The following CDC73 variants were observed in gnomAD, a reference collection of about 807,000 sequenced individuals.
CDC73 encodes parafibromin.
Under a neutral mutation model 83.7 loss-of-function variants are expected in CDC73, and 21 were observed. The ratio of observed to expected loss-of-function variants is 0.25; its 90% CI spans 0.18 to 0.36. CDC73 has a LOEUF of 0.36. Ranked by LOEUF, CDC73 falls within the 10% of genes least tolerant of loss-of-function variation. The pLI is 1.00. For synonymous variants in CDC73, 224 were observed against 212.9 expected (o/e 1.05, Z -0.45); for missense variants, 342 against 653.3 (o/e 0.52, Z 5.19).
chr1:193,175,522 A>T (rs1415244656), intron 10 of CDC73, among the ~76,000 whole-genome samples: 1 of 152,240 alleles, frequency 6.6e-6, no homozygotes, highest in Non-Finnish European at 1.5e-5. Flanking sequence ...AGATTTAACC[A>T]ACTGCCGATC....
chr1:193,188,937 C>G lies in CDC73; in HGVS notation c.973-14858C>G, dbSNP rs1676872270. Among the ~76,000 whole-genome samples, 3 of 151,040 alleles carry G rather than the reference C, an allele frequency of 2.0e-5. No individual in the cohort carries two copies. In the South Asian group the frequency reaches 6.2e-4, roughly 31 times the overall value. On this transcript the variant is annotated intron_variant, in intron 10 of 16. Transcript: ENST00000367435. ...TACTTTAAAAGTACAGCTGCAACCTCTTTCTTTCTGTCTGTCTGTTTTTTT... is the reference window on the plus strand; with the variant it reads ...TACTTTAAAAGTACAGCTGCAACCTGTTTCTTTCTGTCTGTCTGTTTTTTT...
At chr1:193,240,755 A>G (rs980462519) in intron 15 of CDC73, among the ~76,000 whole-genome samples, 3 of 152,124 alleles carry the variant, frequency 2.0e-5, no homozygotes, top group African/African-American at 4.8e-5. Flanking sequence ...TTGGAAGAAT[A>G]GTTTGCAGAT....
intron 3 of CDC73, among the ~76,000 whole-genome samples, chr1:193,130,589 C>G (rs897029549): frequency 2.7e-4 from 41 of 152,288 alleles, no homozygotes; most frequent in African/African-American, 9.6e-4. Context: ...TGTTTTTGAT[C>G]CCACATTCCT....
intron 10 of CDC73, among the ~76,000 whole-genome samples, chr1:193,197,927 C>CA (rs61392426): frequency 0.011 from 779 of 72,992 alleles, 14 homozygotes; most frequent in South Asian, 0.034. Flanking sequence ...ACCATCTCAC[C>CA]AAAAAAAAAA....
chr1:193,225,415 A>G (rs1167647057), intron 13 of CDC73, among the ~76,000 whole-genome samples: 1 of 152,068 alleles, frequency 6.6e-6, no homozygotes, highest in Non-Finnish European at 1.5e-5. Context: ...TCTTCTGGGT[A>G]GATACTCAGT....
At chr1:193,132,007 T>A (rs1675704283) in intron 3 of CDC73, among the ~76,000 whole-genome samples, 1 of 152,234 alleles carries the variant, frequency 6.6e-6, no homozygotes, top group Non-Finnish European at 1.5e-5. Flanking sequence ...GTTTGTCTTG[T>A]TAAATACCCA....
At chr1:193,176,244 A>G (rs1387265226) in intron 10 of CDC73, among the ~76,000 whole-genome samples, 1 of 152,198 alleles carries the variant, frequency 6.6e-6, no homozygotes, top group Non-Finnish European at 1.5e-5. Flanking sequence ...CCCTAGGAAC[A>G]TAGGCCCCTA....
intron 3 of CDC73, among the ~76,000 whole-genome samples, chr1:193,132,487 T>C (rs1202101566): frequency 6.6e-6 from 1 of 152,138 alleles, no homozygotes; most frequent in East Asian, 1.9e-4. Context: ...AAACTTTTTT[T>C]TTTCTTTCAG....
intron 10 of CDC73, among the ~76,000 whole-genome samples, chr1:193,166,749 C>T (rs1455781269): frequency 6.6e-6 from 1 of 151,330 alleles, no homozygotes; most frequent in Non-Finnish European, 1.5e-5. Flanking sequence ...CAGGTTCAAG[C>T]GATTGTCCTG....
intron 5 of CDC73, 34 bp downstream of exon 5, chr1:193,135,623 T>A: frequency 6.8e-7 from 1 of 1,480,818 alleles, no homozygotes; most frequent in Non-Finnish European, 9.3e-7. Context: ...ATTTTATTTA[T>A]ATTGTTATTG....
At chr1:193,146,572 C>T (rs1384831286) in intron 7 of CDC73, among the ~76,000 whole-genome samples, 1 of 151,994 alleles carries the variant, frequency 6.6e-6, no homozygotes, top group Non-Finnish European at 1.5e-5. Context: ...GAATCCGAGC[C>T]CACTTTTGCA....
At chr1:193,232,311 T>G (rs375374813) in intron 13 of CDC73, among the ~76,000 whole-genome samples, 53 of 152,334 alleles carry the variant, frequency 3.5e-4, no homozygotes, top group South Asian at 2.3e-3. Context: ...CAACAACTTT[T>G]TCATTTCAAA....
intron 7 of CDC73, among the ~76,000 whole-genome samples, chr1:193,145,612 A>T (rs1357858440): frequency 3.3e-5 from 5 of 152,100 alleles, no homozygotes; most frequent in South Asian, 4.1e-4. Flanking sequence ...AAGAATTTAA[A>T]TTTTTTTCAA....
intron 2 of CDC73, among the ~76,000 whole-genome samples, chr1:193,129,804 C>T (rs916137973): frequency 1.3e-5 from 2 of 152,102 alleles, no homozygotes; most frequent in Non-Finnish European, 2.9e-5. Flanking sequence ...TGAGCCACCG[C>T]GCCCAGCCAA....
chr1:193,157,670 TTTAC>T (rs1417650118), intron 10 of CDC73, among the ~76,000 whole-genome samples: 2 of 152,218 alleles, frequency 1.3e-5, no homozygotes, highest in African/African-American at 4.8e-5. Flanking sequence ...TTTAGCCTTC[TTTAC>T]TTATTTCTGC....
intron 2 of CDC73, 44 bp downstream of exon 2, chr1:193,125,261 A>G (rs934003055): frequency 8.6e-7 from 1 of 1,161,184 alleles, no homozygotes; most frequent in Non-Finnish European, 1.3e-6. Flanking sequence ...TATCAGTTTT[A>G]TTTTTATTTA....
intron 10 of CDC73, chr1:193,181,150 T>C (rs1176071194): frequency 1.2e-6 from 2 of 1,614,008 alleles, no homozygotes; most frequent in Non-Finnish European, 1.7e-6. Flanking sequence ...ATTAATAATA[T>C]ATTTGAAATG....
At chr1:193,172,066 A>G (rs1019641391) in intron 10 of CDC73, among the ~76,000 whole-genome samples, 17 of 152,070 alleles carry the variant, frequency 1.1e-4, no homozygotes, top group African/African-American at 1.9e-4. Flanking sequence ...CTGGGACTAC[A>G]GGTGTGCGCC....
In CDC73 at chr1:193,252,852, A is replaced by C. The variant is rs1011964883; in HGVS notation, c.*2140A>C. On this transcript the variant is annotated 3_prime_UTR_variant, in exon 17 of 17. Transcript: ENST00000367435. ...CTTGCACATAGTAGGCATTCAGTAA[A>C]TACTTACATGCATGAATGAATAATG... The C allele has an allele frequency of 3.0e-5, 7 of 231,854 alleles. No homozygotes were observed. The highest frequency in any genetic ancestry group is 1.3e-4 in the African/African-American group (6 of 45,290). 14.4% of individuals were successfully genotyped at this position (231,854 alleles called of 1,614,324 possible).
Sources: allele counts gnomAD v4.1 joint callset (sites outside exome capture counted in the v4.1 genomes callset), GRCh38; gene constraint gnomAD v4.1.1; transcripts MANE v1.5; gene names NCBI Gene and HGNC (gene_info 2026-07-23, HGNC 2026-07-21).